Variants in DNM1L observed in about 807,000 individuals in gnomAD.
DNM1L encodes the protein dynamin-1-like protein.
A neutral mutation model predicts 92.8 loss-of-function variants in DNM1L; 33 were observed. That is an observed-to-expected ratio of 0.36 (90% CI 0.27 to 0.48). The LOEUF (loss-of-function observed/expected upper bound fraction) is 0.48. Ranked by LOEUF, DNM1L falls within the 20% of genes least tolerant of loss-of-function variation. The probability of loss-of-function intolerance (pLI) is 0.99; values close to 1 mark genes in which losing one functional copy is unlikely to be tolerated. For missense variants in DNM1L, 485 were observed against 888.8 expected (o/e 0.55, Z 5.78); for synonymous variants, 284 against 305.0 (o/e 0.93, Z 0.72).
chr12:32,724,286 G>A (rs964398528), intron 9 of DNM1L, among the ~76,000 whole-genome samples: 4 of 151,792 alleles, frequency 2.6e-5, no homozygotes, highest in African/African-American at 9.7e-5. Flanking sequence ...ATAAAAATAG[G>A]AGCCACATTG....
intron 4 of DNM1L, among the ~76,000 whole-genome samples, chr12:32,709,315 T>C (rs553897884): frequency 5.3e-5 from 8 of 152,306 alleles, no homozygotes; most frequent in Middle Eastern, 3.4e-3. Flanking sequence ...TGGAATGTTA[T>C]TGATCATAAC....
rs764283962 is a variant in DNM1L, at chr12:32,745,118, ATC to A, written c.*1710_*1711del. The A allele has an allele frequency of 1.8e-5, 8 of 433,104 alleles. No homozygotes were observed. Among genetic ancestry groups the A allele is most frequent in the Non-Finnish European group, 3.6e-5 (8 of 224,446 alleles). 26.8% of individuals were successfully genotyped at this position (433,104 alleles called of 1,614,324 possible). On this transcript the variant is annotated 3_prime_UTR_variant, in exon 20 of 20. Transcript: ENST00000549701. ...CTGATACGATATGGTACTACTTTGA[ATC>A]TGTTACTAGTACCATCTTGACAGAG...
chr12:32,737,890 C>T lies in DNM1L; in HGVS notation c.1622C>T (p.Ala541Val), dbSNP rs768489890. Residue 541 changes from alanine to valine, a missense_variant, in exon 15 of 20, where the codon GCA (alanine) becomes GTA (valine). By Grantham distance (64) the Ala-to-Val change is moderately conservative (BLOSUM62 0). Transcript: ENST00000549701. ...DKSSKVPSALAPASQEPSPAA... is the reference protein window; with the variant it reads ...DKSSKVPSALVPASQEPSPAA... ...TCTTCTAAAGTTCCAAGTGCTTTGG[C>T]ACCTGCCTCCCAGGAGCCCTCCCCC... The T allele has an allele frequency of 3.7e-6, 6 of 1,614,028 alleles. No individual in the cohort carries two copies. The highest frequency in any genetic ancestry group is 2.7e-5 in the African/African-American group (2 of 75,030).
At chr12:32,687,049 G>A (rs1952043571) in intron 1 of DNM1L, among the ~76,000 whole-genome samples, 1 of 149,040 alleles carries the variant, frequency 6.7e-6, no homozygotes, top group African/African-American at 2.5e-5. Flanking sequence ...CCAAAGTGCT[G>A]GCATTATAGG....
At chr12:32,734,326 A>G (rs544952164) in intron 13 of DNM1L, among the ~76,000 whole-genome samples, 16 of 152,274 alleles carry the variant, frequency 1.1e-4, no homozygotes, top group Non-Finnish European at 1.8e-4. Flanking sequence ...TTTATCCAGA[A>G]GCCATTTTTT....
intron 9 of DNM1L, among the ~76,000 whole-genome samples, chr12:32,723,904 A>G (rs1452314376): frequency 1.3e-5 from 2 of 152,300 alleles, no homozygotes; most frequent in East Asian, 3.9e-4. Context: ...ATAGCATTAC[A>G]AACAATGTGT....
Position 32,707,422 on chromosome 12 carries a change from ACATG to A in DNM1L, c.297+13_297+16del, listed in dbSNP as rs749062445. 1 of 1,585,564 alleles carries A rather than the reference ACATG, an allele frequency of 6.3e-7. No homozygotes were observed. The highest frequency in any genetic ancestry group is 1.2e-5 in the South Asian group (1 of 85,896). The stretch of plus-strand genomic sequence containing the variant: ...TTCACACCAAAAATAAGGTAATCAC[ACATG>A]CATATAATGAAGAAATAATGTTGAA... On this transcript the variant is annotated intron_variant, in intron 3 of 19. Transcript: ENST00000549701.
intron 1 of DNM1L, among the ~76,000 whole-genome samples, chr12:32,681,571 C>A (rs900729266): frequency 4.8e-5 from 7 of 144,434 alleles, no homozygotes; most frequent in East Asian, 4.3e-4. Flanking sequence ...CACCGCCCCC[C>A]CCGCCCCTAT....
At chr12:32,736,629 G>A (rs1377202675) in intron 13 of DNM1L, among the ~76,000 whole-genome samples, 1 of 152,178 alleles carries the variant, frequency 6.6e-6, no homozygotes. Flanking sequence ...TTCAAGATAC[G>A]GTTTTATGAG....
At chr12:32,706,920 T>C (rs1952950037) in intron 2 of DNM1L, 2 of 262,158 alleles carry the variant, frequency 7.6e-6, no homozygotes, top group Admixed American at 5.2e-5. Flanking sequence ...CTGTTACATA[T>C]GTTTTTTGCA....
chr12:32,726,240 C>A, intron 9 of DNM1L: 1 of 683,156 alleles, frequency 1.5e-6, no homozygotes, highest in South Asian at 1.8e-5. Context: ...ACAGATTGGT[C>A]TTTAAAATAT....
At chr12:32,722,094 T>C (rs1953837080) in intron 8 of DNM1L, among the ~76,000 whole-genome samples, 1 of 152,146 alleles carries the variant, frequency 6.6e-6, no homozygotes, top group Non-Finnish European at 1.5e-5. Context: ...CATTGGCCAT[T>C]GGTGATCAGC....
At chr12:32,725,215 T>C (rs1954055298) in intron 9 of DNM1L, 2 of 152,170 alleles carry the variant, frequency 1.3e-5, no homozygotes, top group African/African-American at 4.8e-5. Context: ...CCTGAATTGG[T>C]ACAAAATTAA....
intron 2 of DNM1L, among the ~76,000 whole-genome samples, chr12:32,702,319 A>G (rs1179101239): frequency 6.6e-6 from 1 of 151,814 alleles, no homozygotes; most frequent in Non-Finnish European, 1.5e-5. Context: ...ATATTAGGGA[A>G]TGCTGTGTCT....
At chr12:32,708,845 C>A (rs144769345) in intron 4 of DNM1L, among the ~76,000 whole-genome samples, 1 of 151,910 alleles carries the variant, frequency 6.6e-6, no homozygotes. Flanking sequence ...TGTCTTCTGT[C>A]TTCTTTATTC....
At chr12:32,742,825 C>A in intron 19 of DNM1L, 77 bp downstream of exon 19, 1 of 1,441,276 alleles carries the variant, frequency 6.9e-7, no homozygotes, top group African/African-American at 1.5e-5. Flanking sequence ...CAGTTTGATT[C>A]TTGGATATGT....
intron 1 of DNM1L, among the ~76,000 whole-genome samples, chr12:32,684,580 G>A (rs1951926051): frequency 6.6e-6 from 1 of 152,074 alleles, no homozygotes; most frequent in African/African-American, 2.4e-5. Context: ...CCGGGTTCAG[G>A]TGATTCTTCT....
At chr12:32,725,042 T>A (rs1954040931) in intron 9 of DNM1L, among the ~76,000 whole-genome samples, 1 of 146,820 alleles carries the variant, frequency 6.8e-6, no homozygotes, top group South Asian at 2.1e-4. Context: ...TGAACTTTAA[T>A]TTTTTTTTTT....
Position 32,733,774 on chromosome 12 carries a change from T to G in DNM1L, c.1506T>G (p.Ala502=). 6.2e-7 allele frequency: 1 copy of G among 1,614,028 alleles called. No individual in the cohort carries two copies. Among genetic ancestry groups the G allele is most frequent in the Non-Finnish European group, 8.5e-7 (1 of 1,179,946 alleles). The change falls in exon 13 of 20, where the codon GCT becomes GCG. Residue 502 remains alanine (A), a synonymous_variant. Transcript: ENST00000549701. ...TCAACACAAAACATCCAGACTTTGC[T>G]GATGCTTGTGGGCTAATGAACAATA... The part of the protein sequence containing the change: ...AYINTKHPDF[A]DACGLMNNNI...
Sources: gnomAD v4.1 joint callset for allele counts (sites outside exome capture counted in the v4.1 genomes callset) on GRCh38, gnomAD v4.1.1 for gene constraint, MANE v1.5 for transcripts, NCBI Gene and HGNC (gene_info 2026-07-23, HGNC 2026-07-21) for gene names.